The following CSMD1 variants were observed in gnomAD, a reference collection of about 807,000 sequenced individuals.
CSMD1 encodes the protein CUB and sushi domain-containing protein 1.
A neutral mutation model predicts 417.5 loss-of-function variants in CSMD1; 213 were observed. The observed-to-expected ratio is 0.51, with a 90% CI of 0.46 to 0.57. The LOEUF (loss-of-function observed/expected upper bound fraction) is 0.57. Among genes scored for constraint, CSMD1 ranks in the 20% least tolerant of loss-of-function variants. The pLI, the probability that CSMD1 is intolerant of heterozygous loss-of-function variation, is 0.00. For synonymous variants in CSMD1, 2,862 were observed against 1,736.8 expected, an observed-to-expected ratio of 1.65 and a Z score of -16.11; for missense variants, 6,923 against 4,529.7, an observed-to-expected ratio of 1.53 and a Z score of -15.17.
intron 10 of CSMD1, among the ~76,000 whole-genome samples, chr8:3,552,257 C>T (rs1205185003): frequency 6.6e-6 from 1 of 151,940 alleles, no homozygotes; most frequent in Non-Finnish European, 1.5e-5. Context: ...AGTGTATCGA[C>T]ACAGAAAGCT....
At chr8:3,300,916 G>T (rs540745758) in intron 25 of CSMD1, among the ~76,000 whole-genome samples, 3 of 123,306 alleles carry the variant, frequency 2.4e-5, no homozygotes, top group African/African-American at 9.3e-5. Flanking sequence ...CCAGGATTGC[G>T]CCACCGCACT....
At chr8:4,187,343 G>A (rs148023724) in intron 3 of CSMD1, among the ~76,000 whole-genome samples, 1 of 152,260 alleles carries the variant, frequency 6.6e-6, no homozygotes, top group African/African-American at 2.4e-5. Flanking sequence ...AACTGACACA[G>A]GTAAGCATTA....
At chr8:4,453,108 A>G (rs775325282) in intron 2 of CSMD1, among the ~76,000 whole-genome samples, 1 of 152,022 alleles carries the variant, frequency 6.6e-6, no homozygotes, top group African/African-American at 2.4e-5. Flanking sequence ...GGAGCCAATG[A>G]TTCGGAATTC....
At chr8:4,957,401 C>T (rs557604069) in intron 1 of CSMD1, among the ~76,000 whole-genome samples, 6 of 152,288 alleles carry the variant, frequency 3.9e-5, no homozygotes, top group East Asian at 1.9e-4. Flanking sequence ...CACAAATCTA[C>T]GGGCACTATG....
At chr8:3,732,377 C>T (rs559635074) in intron 6 of CSMD1, among the ~76,000 whole-genome samples, 82 of 152,230 alleles carry the variant, frequency 5.4e-4, no homozygotes, top group Non-Finnish European at 8.4e-4. Context: ...ATTTTATTGT[C>T]AAGGACTTTT....
At chr8:4,471,941 G>C (rs1476408799) in intron 2 of CSMD1, among the ~76,000 whole-genome samples, 1 of 151,952 alleles carries the variant, frequency 6.6e-6, no homozygotes, top group Non-Finnish European at 1.5e-5. Flanking sequence ...CTTTATAGAG[G>C]GTGCAAAACA....
chr8:3,818,180 G>A (rs1801504483), intron 5 of CSMD1, among the ~76,000 whole-genome samples: 4 of 152,034 alleles, frequency 2.6e-5, no homozygotes, highest in Non-Finnish European at 4.4e-5. Context: ...GATGCCAACT[G>A]CACACTCCCC....
chr8:4,337,562 A>G (rs752944381), intron 3 of CSMD1, among the ~76,000 whole-genome samples: 5 of 152,186 alleles, frequency 3.3e-5, no homozygotes, highest in Non-Finnish European at 5.9e-5. Flanking sequence ...GATGAAGTAC[A>G]TGTGAGGCAT....
At chr8:3,078,819 T>C (rs527800326) in intron 49 of CSMD1, among the ~76,000 whole-genome samples, 2 of 152,160 alleles carry the variant, frequency 1.3e-5, no homozygotes, top group Admixed American at 6.5e-5. Context: ...AACATTCTGC[T>C]TGACAGCCAA....
chr8:4,597,978 T>C (rs1314148661), intron 2 of CSMD1, among the ~76,000 whole-genome samples: 1 of 151,534 alleles, frequency 6.6e-6, no homozygotes, highest in African/African-American at 2.4e-5. Flanking sequence ...ATATATGTGA[T>C]TTATTTTTAT....
intron 2 of CSMD1, among the ~76,000 whole-genome samples, chr8:4,462,342 T>C (rs1026311419): frequency 6.6e-6 from 1 of 152,036 alleles, no homozygotes; most frequent in African/African-American, 2.4e-5. Context: ...TTAAAGAAAT[T>C]GAAGACCTAA....
chr8:4,893,652 G>A (rs144986948), intron 1 of CSMD1, among the ~76,000 whole-genome samples: 6 of 152,000 alleles, frequency 3.9e-5, no homozygotes, highest in Non-Finnish European at 5.9e-5. Context: ...ATGAGAAGCC[G>A]AACTTCTTTT....
At chr8:3,516,956 G>T (rs1439769923) in intron 10 of CSMD1, among the ~76,000 whole-genome samples, 1 of 152,216 alleles carries the variant, frequency 6.6e-6, no homozygotes, top group African/African-American at 2.4e-5. Context: ...GGATAAAGAG[G>T]ATGCTTCTGT....
chr8:3,824,138 A>G (rs1273657794), intron 5 of CSMD1, among the ~76,000 whole-genome samples: 1 of 152,108 alleles, frequency 6.6e-6, no homozygotes, highest in African/African-American at 2.4e-5. Flanking sequence ...TATCTCATTC[A>G]CCAGCCGAGT....
intron 2 of CSMD1, among the ~76,000 whole-genome samples, chr8:4,542,004 C>T (rs566992095): frequency 1.3e-5 from 2 of 152,242 alleles, no homozygotes; most frequent in African/African-American, 4.8e-5. Context: ...CTGTGAGCCA[C>T]ACTCTGTTGC....
At chr8:3,174,944 C>G (rs1013189155) in intron 37 of CSMD1, among the ~76,000 whole-genome samples, 1 of 151,932 alleles carries the variant, frequency 6.6e-6, no homozygotes, top group African/African-American at 2.4e-5. Context: ...CTTATTTGTT[C>G]ATGACATATT....
chr8:4,218,968 A>T (rs570257456), intron 3 of CSMD1, among the ~76,000 whole-genome samples: 1 of 152,184 alleles, frequency 6.6e-6, no homozygotes, highest in African/African-American at 2.4e-5. Flanking sequence ...ACGTATGTCT[A>T]ATCAAATACT....
chr8:4,639,730 AAG>A (rs1803079932), intron 1 of CSMD1, among the ~76,000 whole-genome samples: 1 of 152,216 alleles, frequency 6.6e-6, no homozygotes, highest in Non-Finnish European at 1.5e-5. Flanking sequence ...TATACTTAAA[AAG>A]TATTTTACAA....
At chr8:3,944,842 T>C (rs1161041467) in intron 5 of CSMD1, among the ~76,000 whole-genome samples, 2 of 152,214 alleles carry the variant, frequency 1.3e-5, no homozygotes, top group East Asian at 1.9e-4. Context: ...GAGCTAGTTC[T>C]ATGAGTTGGC....
Sources: gnomAD v4.1 joint callset for allele counts (sites outside exome capture counted in the v4.1 genomes callset) on GRCh38, gnomAD v4.1.1 for gene constraint, MANE v1.5 for transcripts, NCBI Gene and HGNC (gene_info 2026-07-23, HGNC 2026-07-21) for gene names.